The following ICA1L variants were observed in gnomAD, a reference collection of about 807,000 sequenced individuals.
The protein encoded by ICA1L is islet cell autoantigen 1-like protein.
ICA1L carries 50 observed loss-of-function variants against 61.3 expected under a neutral mutation model. The ratio of observed to expected loss-of-function variants is 0.82; its 90% CI spans 0.65 to 1.03. The LOEUF is 1.03. ICA1L is among the 50% of genes least tolerant of loss of function. The probability of loss-of-function intolerance (pLI) is 0.00; values close to 1 mark genes in which losing one functional copy is unlikely to be tolerated. For synonymous variants in ICA1L, 161 were observed against 191.3 expected (o/e 0.84, Z 1.31); for missense variants, 508 against 556.7 (o/e 0.91, Z 0.88).
chr2:202,868,551 T>A (rs973922572), intron 1 of ICA1L, among the ~76,000 whole-genome samples: 5 of 152,230 alleles, frequency 3.3e-5, no homozygotes. Context: ...ACTCAATAAG[T>A]ATTTACCAAA....
In ICA1L at chr2:202,796,941, G is replaced by A. The variant is rs766947050; in HGVS notation, c.934C>T (p.His312Tyr). The A allele has an allele frequency of 1.9e-6, 3 of 1,597,702 alleles. No homozygotes were observed. The change falls in exon 10 of 13, where the codon CAT becomes TAT. Residue 312 changes from histidine to tyrosine, a missense_variant. Coordinates refer to ENST00000358299, the MANE Select transcript of ICA1L (RefSeq NM_001288622.3). ...GCTCCAAATTCTCTCATTTGAGAAT[G>A]TTTTTCATTGTGATCTTTGTTTGCT... ...EQANKDHNEKHSQMREFGAPQ... is the reference protein window; with the variant it reads ...EQANKDHNEKYSQMREFGAPQ...
chr2:202,822,012 T>C (rs534386282), intron 3 of ICA1L, among the ~76,000 whole-genome samples: 2 of 152,182 alleles, frequency 1.3e-5, no homozygotes, highest in East Asian at 1.9e-4. Flanking sequence ...TGGACCAGTA[T>C]TGGTCCAGAA....
chr2:202,797,293 G>A (rs978084684), intron 9 of ICA1L, among the ~76,000 whole-genome samples: 5 of 151,898 alleles, frequency 3.3e-5, no homozygotes, highest in African/African-American at 1.2e-4. Flanking sequence ...CTCATTCTAG[G>A]TCATTTTATA....
At chr2:202,809,648 C>A in intron 9 of ICA1L, among the ~76,000 whole-genome samples, 1 of 147,494 alleles carries the variant, frequency 6.8e-6, no homozygotes. Context: ...GAAACTCCAT[C>A]TCAAAAAAAA....
intron 1 of ICA1L, among the ~76,000 whole-genome samples, chr2:202,847,927 G>T (rs1694510930): frequency 6.6e-6 from 1 of 152,042 alleles, no homozygotes; most frequent in Admixed American, 6.6e-5. Context: ...CATGTCCTTT[G>T]CAGCAATACG....
chr2:202,847,563 G>A (rs1468829805), intron 1 of ICA1L, among the ~76,000 whole-genome samples: 4 of 151,672 alleles, frequency 2.6e-5, no homozygotes, highest in African/African-American at 9.7e-5. Flanking sequence ...TGAAGTAAAT[G>A]GATTGTTATA....
At chr2:202,794,740 C>T (rs1692871524) in intron 10 of ICA1L, among the ~76,000 whole-genome samples, 2 of 151,672 alleles carry the variant, frequency 1.3e-5, no homozygotes, top group African/African-American at 4.9e-5. Context: ...ACCTCATTTA[C>T]AATAGCAACC....
In ICA1L at chr2:202,774,361, C is replaced by T. The variant is rs1246880865; in HGVS notation, c.*5172G>A. The stretch of plus-strand genomic sequence containing the variant: ...CGAGCCTGCCGCGCGCTCCGCTCAG[C>T]GTGGTCTGGCAGCCGGAGACCAGGC... On this transcript the variant is annotated 3_prime_UTR_variant, in exon 13 of 13. Transcript: ENST00000358299. The T allele has an allele frequency of 3.7e-6, 5 of 1,335,798 alleles. No individual in the cohort carries two copies. Among genetic ancestry groups the T allele is most frequent in the Non-Finnish European group, 4.8e-6 (5 of 1,045,778 alleles). 82.7% of individuals were successfully genotyped at this position (1,335,798 alleles called of 1,614,324 possible).
At chr2:202,828,486 C>T (rs1428530576) in intron 2 of ICA1L, among the ~76,000 whole-genome samples, 3 of 152,076 alleles carry the variant, frequency 2.0e-5, no homozygotes, top group Non-Finnish European at 4.4e-5. Flanking sequence ...TTAATTATTT[C>T]AGTGAGGTAT....
chr2:202,786,323 G>A (rs1360319460), intron 11 of ICA1L, among the ~76,000 whole-genome samples: 1 of 151,732 alleles, frequency 6.6e-6, no homozygotes, highest in Non-Finnish European at 1.5e-5. Flanking sequence ...GAGGCGGGTG[G>A]ATCATGAGGT....
intron 10 of ICA1L, among the ~76,000 whole-genome samples, chr2:202,795,414 C>T (rs1233987513): frequency 6.6e-6 from 1 of 152,104 alleles, no homozygotes; most frequent in East Asian, 1.9e-4. Context: ...TGAACAACAT[C>T]GAGAAACTTT....
At chr2:202,818,586 G>C (rs1480125289) in intron 5 of ICA1L, among the ~76,000 whole-genome samples, 1 of 152,132 alleles carries the variant, frequency 6.6e-6, no homozygotes, top group African/African-American at 2.4e-5. Context: ...GACCCAGTGA[G>C]AGATAACTGA....
intron 1 of ICA1L, among the ~76,000 whole-genome samples, chr2:202,857,814 T>C (rs1257408829): frequency 6.6e-6 from 1 of 152,102 alleles, no homozygotes; most frequent in African/African-American, 2.4e-5. Context: ...GGGCAAAGGA[T>C]GTGAACAGAC....
chr2:202,774,014 T>A lies in ICA1L; in HGVS notation c.*5519A>T. The A allele has an allele frequency of 3.4e-6, 3 of 889,616 alleles. No homozygotes were observed. Among genetic ancestry groups the A allele is most frequent in the South Asian group, 3.4e-5 (2 of 58,516 alleles). 55.1% of individuals were successfully genotyped at this position (889,616 alleles called of 1,614,324 possible). A position where few individuals can be genotyped will look rare whatever the true frequency, so the allele number is the denominator to read the frequency against. On this transcript the variant is annotated 3_prime_UTR_variant, in exon 13 of 13. Transcript: ENST00000358299. The stretch of plus-strand genomic sequence containing the variant: ...AGAAGAGTTGGCTGTTTTATTTTTT[T>A]AAATTATGAACTAGCGCTGCTCCAC...
intron 1 of ICA1L, among the ~76,000 whole-genome samples, chr2:202,852,481 T>A (rs890979848): frequency 2.0e-5 from 3 of 151,708 alleles, no homozygotes; most frequent in African/African-American, 4.8e-5. Context: ...CCATCCTGGC[T>A]AACATGGTGA....
rs1257206326 is a variant in ICA1L, at chr2:202,774,531, GGA to G, written c.*5000_*5001del. ...AGGTTTAGCCACAAGAGATATCACA[GGA>G]GAGACACAGGAAAAAAAGTTGTAAT... On this transcript the variant is annotated 3_prime_UTR_variant, in exon 13 of 13. Coordinates refer to ENST00000358299, the MANE Select transcript of ICA1L (RefSeq NM_001288622.3). 4 of 408,876 alleles carry G rather than the reference GGA, an allele frequency of 9.8e-6. No individual in the cohort carries two copies. The highest frequency in any genetic ancestry group is 1.7e-5 in the Non-Finnish European group (4 of 232,206). 25.3% of individuals were successfully genotyped at this position (408,876 alleles called of 1,614,324 possible). A position where few individuals can be genotyped will look rare whatever the true frequency, so the allele number is the denominator to read the frequency against.
At chr2:202,864,410 A>AT (rs1687411853) in intron 1 of ICA1L, among the ~76,000 whole-genome samples, 1 of 151,816 alleles carries the variant, frequency 6.6e-6, no homozygotes, top group South Asian at 2.1e-4. Flanking sequence ...CGCCTGGCTA[A>AT]TTTTTTTGTA....
In ICA1L at chr2:202,808,018, G is replaced by A. The variant is rs183047073; in HGVS notation, c.910+3728C>T. 3.9e-5 allele frequency among the ~76,000 whole-genome samples: 6 copies of A among 152,268 alleles called. No homozygotes were observed. In the South Asian group the frequency reaches 1.0e-3, roughly 26 times the overall value. ...CTTGGGTAAGACCCAGGGCTGTGCC[G>A]GCTTCAGGTGTGACCCAGTGCATTC... On this transcript the variant is annotated intron_variant, in intron 9 of 12. Transcript: ENST00000358299.
rs539410896 is a variant in ICA1L at position 202,869,356 on chromosome 2, CA to C, written c.-8+2262del. 2.8e-3 allele frequency among the ~76,000 whole-genome samples: 426 copies of C among 149,932 alleles called. 1 individual carries two copies. Among genetic ancestry groups the C allele is most frequent in the Non-Finnish European group, 4.6e-3 (309 of 67,592 alleles). On this transcript the variant is annotated intron_variant, in intron 1 of 12. Transcript: ENST00000358299. Reference sequence around the variant, plus strand: ...TGGGCGACAGAGCGAGACTCTGTCTCAAAAAAATAAAATAAGAAATAAAATA... The same window carrying C: ...TGGGCGACAGAGCGAGACTCTGTCTCAAAAAATAAAATAAGAAATAAAATA...
Sources: allele counts gnomAD v4.1 joint callset (sites outside exome capture counted in the v4.1 genomes callset), GRCh38; gene constraint gnomAD v4.1.1; transcripts MANE v1.5; gene names NCBI Gene and HGNC (gene_info 2026-07-23, HGNC 2026-07-21).